MCTP1: variants seen among roughly 807,000 people sequenced by gnomAD.
MCTP1 encodes multiple C2 and transmembrane domain containing 1, also known as multiple C2 and transmembrane domain-containing protein 1.
A neutral mutation model predicts 120.6 loss-of-function variants in MCTP1; 69 were observed. That is an observed-to-expected ratio of 0.57 (90% CI 0.47 to 0.70). MCTP1 has a LOEUF of 0.70. Ranked by LOEUF, MCTP1 falls within the 30% of genes least tolerant of loss-of-function variation. The pLI is 0.00. For missense variants in MCTP1, 1,203 were observed against 1,248.8 expected (o/e 0.96, Z 0.55); for synonymous variants, 529 against 493.1 (o/e 1.07, Z -0.96).
intron 19 of MCTP1, among the ~76,000 whole-genome samples, chr5:94,773,517 T>C (rs1418386117): frequency 1.3e-5 from 2 of 152,140 alleles, no homozygotes; most frequent in Non-Finnish European, 2.9e-5. Flanking sequence ...ATAGTCTCCC[T>C]CCCCTTGAGT....
At chr5:94,928,380 T>G (rs960618847) in intron 6 of MCTP1, among the ~76,000 whole-genome samples, 8 of 152,184 alleles carry the variant, frequency 5.3e-5, no homozygotes, top group African/African-American at 1.9e-4. Flanking sequence ...CATGAAACTT[T>G]CTTGATGAAT....
rs527767764 is a variant in MCTP1, at chr5:94,953,830, CAT to C, written c.839-471_839-470del. 4.2e-3 allele frequency among the ~76,000 whole-genome samples: 170 copies of C among 40,810 alleles called. 23 individuals are homozygous for C. Among genetic ancestry groups the C allele is most frequent in the African/African-American group, 0.019 (94 of 4,892 alleles). 26.8% of individuals were successfully genotyped at this position (40,810 alleles called of 152,430 possible). ...ATATATATATACAAATATATATATA[CAT>C]ATATATATATACACAACTATATATA... On this transcript the variant is annotated intron_variant, in intron 2 of 22. Coordinates refer to ENST00000515393, the MANE Select transcript of MCTP1 (RefSeq NM_024717.7).
chr5:95,112,560 T>C (rs1054081283), intron 1 of MCTP1, among the ~76,000 whole-genome samples: 1 of 152,228 alleles, frequency 6.6e-6, no homozygotes, highest in Non-Finnish European at 1.5e-5. Flanking sequence ...TAATTCACTA[T>C]ACTTCTAATA....
intron 2 of MCTP1, among the ~76,000 whole-genome samples, chr5:95,000,724 A>C (rs1388781752): frequency 6.6e-6 from 1 of 152,226 alleles, no homozygotes; most frequent in Non-Finnish European, 1.5e-5. Flanking sequence ...TAAGTTAAAA[A>C]AGATTACAAT....
chr5:94,874,909 C>G (rs1798519045), intron 12 of MCTP1, among the ~76,000 whole-genome samples: 1 of 152,096 alleles, frequency 6.6e-6, no homozygotes. Flanking sequence ...CGTGCCACAT[C>G]TTAGGTAGGT....
intron 1 of MCTP1, among the ~76,000 whole-genome samples, chr5:95,028,965 C>T (rs759240370): frequency 8.6e-5 from 13 of 152,042 alleles, no homozygotes; most frequent in Non-Finnish European, 1.8e-4. Flanking sequence ...TCGAGACCAG[C>T]CTGACCAACA....
intron 1 of MCTP1, among the ~76,000 whole-genome samples, chr5:95,117,384 C>T (rs1757898014): frequency 9.2e-6 from 1 of 108,734 alleles, no homozygotes; most frequent in African/African-American, 3.7e-5. Context: ...GAGCGAGACT[C>T]CGTCTCAAAA....
chr5:94,993,355 C>T (rs1200330421), intron 2 of MCTP1, among the ~76,000 whole-genome samples: 1 of 152,108 alleles, frequency 6.6e-6, no homozygotes. Context: ...TGGACAAAAT[C>T]TATGCAATAC....
chr5:95,198,168 T>C (rs2152543992), intron 1 of MCTP1, among the ~76,000 whole-genome samples: 1 of 152,204 alleles, frequency 6.6e-6, no homozygotes. Flanking sequence ...CATAAATATA[T>C]ATGTAAATGC....
chr5:94,865,638 A>G (rs936446251), intron 17 of MCTP1, among the ~76,000 whole-genome samples: 2 of 151,990 alleles, frequency 1.3e-5, no homozygotes, highest in African/African-American at 4.8e-5. Flanking sequence ...AAATCTTTGA[A>G]ACATTTCATT....
At chr5:95,224,243 C>T (rs1754012002) in intron 1 of MCTP1, among the ~76,000 whole-genome samples, 2 of 152,200 alleles carry the variant, frequency 1.3e-5, no homozygotes, top group Non-Finnish European at 2.9e-5. Flanking sequence ...GGATATGCAG[C>T]AGCTTCTTAT....
chr5:94,915,769 T>TA (rs1809896485), intron 8 of MCTP1, among the ~76,000 whole-genome samples: 1 of 152,062 alleles, frequency 6.6e-6, no homozygotes, highest in South Asian at 2.1e-4. Context: ...TGTTCTCATG[T>TA]AAAGCTCACA....
At chr5:95,015,962 T>TA in intron 2 of MCTP1, among the ~76,000 whole-genome samples, 1 of 152,210 alleles carries the variant, frequency 6.6e-6, no homozygotes, top group Admixed American at 6.6e-5. Context: ...CTTTGAAAAC[T>TA]AAAAAAAGTT....
chr5:94,953,894 AAT>A (rs1374575551), intron 2 of MCTP1, among the ~76,000 whole-genome samples: 164 of 66,306 alleles, frequency 2.5e-3, no homozygotes, highest in Non-Finnish European at 3.4e-3. Flanking sequence ...TATATATACA[AAT>A]ATATATATGC....
intron 5 of MCTP1, among the ~76,000 whole-genome samples, chr5:94,939,845 T>A (rs1253937467): frequency 6.6e-6 from 1 of 151,976 alleles, no homozygotes; most frequent in Non-Finnish European, 1.5e-5. Flanking sequence ...AGAAATAAAA[T>A]AAAAATTCAA....
At chr5:94,863,561 T>C (rs1232914937) in intron 17 of MCTP1, among the ~76,000 whole-genome samples, 1 of 151,942 alleles carries the variant, frequency 6.6e-6, no homozygotes, top group Non-Finnish European at 1.5e-5. Context: ...ACAGGTGATG[T>C]AGACATGCCT....
At chr5:94,966,823 T>G (rs185317341) in intron 2 of MCTP1, among the ~76,000 whole-genome samples, 37 of 150,498 alleles carry the variant, frequency 2.5e-4, no homozygotes, top group Admixed American at 5.3e-4. Context: ...AAACCAAGGA[T>G]GTGGCAGGGC....
At chr5:95,269,869 T>C (rs1425645634) in intron 1 of MCTP1, among the ~76,000 whole-genome samples, 1 of 152,224 alleles carries the variant, frequency 6.6e-6, no homozygotes, top group South Asian at 2.1e-4. Flanking sequence ...TCAAAACTGC[T>C]GTGAGGTTTA....
At chr5:94,721,844 GTT>G (rs11423883) in intron 19 of MCTP1, among the ~76,000 whole-genome samples, 163 of 135,096 alleles carry the variant, frequency 1.2e-3, no homozygotes, top group African/African-American at 3.4e-3. Flanking sequence ...ACACTGTTTT[GTT>G]TTTTTTTTTT....
Sources: allele counts gnomAD v4.1 joint callset (sites outside exome capture counted in the v4.1 genomes callset), GRCh38; gene constraint gnomAD v4.1.1; transcripts MANE v1.5; gene names NCBI Gene and HGNC (gene_info 2026-07-23, HGNC 2026-07-21).